The following KIF25 variants were observed in gnomAD, a reference collection of about 807,000 sequenced individuals.
KIF25 encodes the protein kinesin-like protein KIF25.
Under a neutral mutation model 32.9 loss-of-function variants are expected in KIF25, and 19 were observed. That is an observed-to-expected ratio of 0.58 (90% CI 0.40 to 0.85). KIF25 has a LOEUF of 0.85. KIF25 is among the 40% of genes least tolerant of loss of function. KIF25 has a pLI of 0.00. For synonymous variants in KIF25, 225 were observed against 213.7 expected (o/e 1.05, Z -0.46); for missense variants, 485 against 507.0 (o/e 0.96, Z 0.42).
At position 168,042,074 on chromosome 6, in the gene KIF25, C is replaced by A; in HGVS notation, c.752C>A (p.Pro251His). 6.4e-7 allele frequency: 1 copy of A among 1,551,420 alleles called. No individual in the cohort carries two copies. The highest frequency in any genetic ancestry group is 8.7e-7 in the Non-Finnish European group (1 of 1,147,314). Residue 251 changes from proline (P) to histidine (H), a missense_variant, in exon 11 of 13, where the codon CCT becomes CAT. Physicochemically the swap from Pro to His is moderately conservative, Grantham distance 77 (BLOSUM62 -2). This residue lies in a region of KIF25 where 480 missense variants were observed against 470.3 expected (regional missense o/e 1.02). Transcript: ENST00000643607. ...GGGGCCTTGGCTCCACAGCTGGTTC[C>A]TGGGAACCCCGCAGGGCATGCGGAG... ...SQGALAPQLV[P>H]GNPAGHAEQV... is the part of the protein sequence containing the mutation.
intron 4 of KIF25, among the ~76,000 whole-genome samples, chr6:168,004,477 TAGAA>T (rs1415134570): frequency 6.6e-6 from 1 of 152,176 alleles, no homozygotes; most frequent in African/African-American, 2.4e-5. Context: ...CAAAAAGTGA[TAGAA>T]AGAGAAAAGG....
intron 4 of KIF25, among the ~76,000 whole-genome samples, chr6:168,007,926 T>G (rs781712884): frequency 3.3e-4 from 51 of 152,352 alleles, no homozygotes; most frequent in Middle Eastern, 3.4e-3. Context: ...TTCCCTGTTG[T>G]GGTCAGTCAT....
chr6:168,008,178 G>C (rs866627962), intron 4 of KIF25, among the ~76,000 whole-genome samples: 2 of 152,306 alleles, frequency 1.3e-5, no homozygotes. Flanking sequence ...TTTCCTCTGT[G>C]TTTTCTTCCA....
chr6:168,028,585 C>A (rs1043307168), intron 5 of KIF25, among the ~76,000 whole-genome samples: 1 of 151,650 alleles, frequency 6.6e-6, no homozygotes, highest in African/African-American at 2.4e-5. Context: ...TTTATTTTGC[C>A]AAAAAAAATT....
At chr6:168,044,732 T>C in intron 12 of KIF25, 95 bp from the exon 13 acceptor site, 10 of 1,316,642 alleles carry the variant, frequency 7.6e-6, no homozygotes, top group Non-Finnish European at 1.0e-5. Context: ...CGGCCCTCTC[T>C]GCAGCCGCCC....
At chr6:168,027,760 G>A (rs1038903202) in intron 5 of KIF25, among the ~76,000 whole-genome samples, 3 of 152,182 alleles carry the variant, frequency 2.0e-5, no homozygotes, top group Non-Finnish European at 4.4e-5. Context: ...CGGTCCGTGG[G>A]TGAGAAACGG....
intron 8 of KIF25, among the ~76,000 whole-genome samples, chr6:168,035,460 G>T: frequency 7.0e-6 from 1 of 142,582 alleles, no homozygotes; most frequent in Non-Finnish European, 1.5e-5. Flanking sequence ...GAACGGCGCT[G>T]CGGGGGGGGC....
intron 8 of KIF25, among the ~76,000 whole-genome samples, chr6:168,035,284 C>T (rs1799000077): frequency 6.6e-6 from 1 of 151,260 alleles, no homozygotes; most frequent in East Asian, 2.0e-4. Context: ...CTTCCGAGGC[C>T]GTTTCCCCCT....
At chr6:168,005,154 C>T (rs1008103755) in intron 4 of KIF25, among the ~76,000 whole-genome samples, 2 of 152,080 alleles carry the variant, frequency 1.3e-5, no homozygotes, top group African/African-American at 2.4e-5. Flanking sequence ...CTGGCATGCA[C>T]GAGCTGACTG....
In KIF25 at chr6:168,042,819, C is replaced by T. The variant is rs924324747; in HGVS notation, c.985+103C>T. ...GTCCTCGAGGGCCACCCATGCACCC[C>T]CTGCACCTCCTGTGTCCTCGCTGTG... On this transcript the variant is annotated intron_variant, in intron 12 of 12. Coordinates refer to ENST00000643607, the MANE Select transcript of KIF25 (RefSeq NM_030615.4). The T allele has an allele frequency of 6.8e-6, 9 of 1,319,438 alleles. No homozygotes were observed. The African/African-American group carries it at 8.9e-5, about 13-fold the overall frequency. The allele number at this position is 1,319,438 out of a possible 1,614,324, so 81.7% of individuals were successfully genotyped here.
chr6:168,043,347 G>T (rs1454958456), intron 12 of KIF25, among the ~76,000 whole-genome samples: 1 of 152,178 alleles, frequency 6.6e-6, no homozygotes, highest in Non-Finnish European at 1.5e-5. Context: ...CCTGGGCCCT[G>T]TAGGCCGTGT....
intron 6 of KIF25, chr6:168,030,539 T>C (rs868622353): frequency 4.5e-5 from 8 of 176,500 alleles, no homozygotes; most frequent in Middle Eastern, 4.8e-3. Context: ...CTTGCAAGCA[T>C]CTGTCACTTC....
At chr6:167,999,471 G>A (rs67558738) in intron 2 of KIF25, among the ~76,000 whole-genome samples, 151 bp downstream of exon 2, 7,930 of 152,222 alleles carry the variant, frequency 0.052, 211 homozygotes, top group Non-Finnish European at 0.082. Flanking sequence ...TAAGGATGGC[G>A]CTGTCTTGCT....
At chr6:168,041,249 A>G (rs1024492371) in intron 10 of KIF25, among the ~76,000 whole-genome samples, 12 of 152,230 alleles carry the variant, frequency 7.9e-5, no homozygotes, top group African/African-American at 2.9e-4. Context: ...AAGGTTGCTC[A>G]GGCAAGGGAA....
At chr6:168,042,215 TGGATGTGCAACCAGGCA>T (rs1799134767) in intron 11 of KIF25, 64 bp downstream of exon 11, 2 of 1,467,630 alleles carry the variant, frequency 1.4e-6, no homozygotes, top group East Asian at 5.0e-5. Context: ...CTGATGGAGC[TGGATGTGCAACCAGGCA>T]GCCCGGGAAG....
At chr6:168,005,481 T>C (rs1332418844) in intron 4 of KIF25, among the ~76,000 whole-genome samples, 1 of 152,230 alleles carries the variant, frequency 6.6e-6, no homozygotes, top group Non-Finnish European at 1.5e-5. Flanking sequence ...CAGGTCTGTC[T>C]GTGCAGAGCT....
chr6:168,040,534 C>A (rs937589307), intron 10 of KIF25, among the ~76,000 whole-genome samples: 6 of 151,736 alleles, frequency 4.0e-5, no homozygotes, highest in African/African-American at 1.5e-4. Flanking sequence ...CCATTGCATT[C>A]CAACCTGTGC....
chr6:168,021,236 CTGAGA>C (rs1030006346), intron 5 of KIF25, among the ~76,000 whole-genome samples: 26 of 152,176 alleles, frequency 1.7e-4, no homozygotes, highest in African/African-American at 6.3e-4. Flanking sequence ...TTATAGTATT[CTGAGA>C]TATCTACCTT....
intron 2 of KIF25, among the ~76,000 whole-genome samples, chr6:168,000,204 A>C (rs1583120830): frequency 3.4e-5 from 3 of 88,336 alleles, no homozygotes; most frequent in Admixed American, 1.4e-4. Context: ...GACACTCCCC[A>C]CTCCCATCCT....
Sources: gnomAD v4.1 joint callset for allele counts (sites outside exome capture counted in the v4.1 genomes callset) on GRCh38, gnomAD v4.1.1 for gene constraint, gnomAD v4.1.1 regional missense constraint, MANE v1.5 for transcripts, NCBI Gene and HGNC (gene_info 2026-07-23, HGNC 2026-07-21) for gene names.